The following ZCWPW2 variants were observed in gnomAD, a reference collection of about 807,000 sequenced individuals.
ZCWPW2 encodes zinc finger CW-type and PWWP domain containing 2.
ZCWPW2 carries 45 observed loss-of-function variants against 46.6 expected under a neutral mutation model. The ratio of observed to expected loss-of-function variants is 0.96; its 90% CI spans 0.76 to 1.24. The LOEUF (loss-of-function observed/expected upper bound fraction) is 1.24, where lower values mean the gene tolerates loss of function less well. Among genes scored for constraint, ZCWPW2 ranks in the 50% most tolerant of loss-of-function variants. The pLI, the probability that ZCWPW2 is intolerant of heterozygous loss-of-function variation, is 0.00. For missense variants in ZCWPW2, 429 were observed against 403.9 expected, an observed-to-expected ratio of 1.06 and a Z score of -0.53; for synonymous variants, 152 against 137.1, an observed-to-expected ratio of 1.11 and a Z score of -0.76.
intron 1 of ZCWPW2, among the ~76,000 whole-genome samples, chr3:28,380,024 T>C (rs1975828): frequency 0.49 from 74,054 of 151,740 alleles, 18,655 homozygotes; most frequent in Admixed American, 0.54. Context: ...GCTCTGTCGC[T>C]CAGGCTGGAG....
chr3:28,359,993 A>G (rs1704880430), intron 1 of ZCWPW2, among the ~76,000 whole-genome samples: 1 of 152,190 alleles, frequency 6.6e-6, no homozygotes, highest in South Asian at 2.1e-4. Flanking sequence ...TTAAAACCAA[A>G]TATATCAATA....
At chr3:28,443,067 T>C (rs913670132) in intron 4 of ZCWPW2, among the ~76,000 whole-genome samples, 1 of 152,082 alleles carries the variant, frequency 6.6e-6, no homozygotes, top group African/African-American at 2.4e-5. Flanking sequence ...GAAATGACCG[T>C]AGGATGAGTC....
intron 2 of ZCWPW2, among the ~76,000 whole-genome samples, chr3:28,411,244 G>A (rs1438047699): frequency 4.0e-5 from 6 of 151,762 alleles, no homozygotes; most frequent in South Asian, 2.1e-4. Context: ...AATACAATGT[G>A]TACCCAATTA....
chr3:28,359,006 C>T (rs1704841933), intron 1 of ZCWPW2, among the ~76,000 whole-genome samples: 1 of 151,914 alleles, frequency 6.6e-6, no homozygotes, highest in South Asian at 2.1e-4. Context: ...CTATTACTTC[C>T]CAGAAATACT....
rs1697432125 is a variant in ZCWPW2 at position 28,435,230 on chromosome 3, A to G, written c.453A>G (p.Ile151Met). 13 of 1,613,310 alleles carry G rather than the reference A, an allele frequency of 8.1e-6. No individual in the cohort carries two copies. The highest frequency in any genetic ancestry group is 1.1e-5 in the Non-Finnish European group (13 of 1,179,866). The part of the protein sequence containing the change: ...FLGDPHSRSW[I>M]KATFVGHYSI... ...GCGATCCCCATTCAAGATCATGGAT[A>G]AAGGCAACATTCGTTGGACATTATA... Residue 151 changes from isoleucine to methionine, a missense_variant, in exon 4 of 10, where the codon ATA (isoleucine) becomes ATG (methionine). Coordinates refer to ENST00000383768, the MANE Select transcript of ZCWPW2 (RefSeq NM_001040432.4).
intron 1 of ZCWPW2, among the ~76,000 whole-genome samples, chr3:28,372,943 A>G (rs1295257353): frequency 2.0e-5 from 3 of 152,198 alleles, no homozygotes; most frequent in Non-Finnish European, 4.4e-5. Context: ...GTTGCAAAAA[A>G]CATGATTGCA....
At chr3:28,433,378 A>G (rs1697349874) in intron 3 of ZCWPW2, among the ~76,000 whole-genome samples, 1 of 152,158 alleles carries the variant, frequency 6.6e-6, no homozygotes, top group African/African-American at 2.4e-5. Flanking sequence ...GGGTTTTGGC[A>G]TTAGAAAGTC....
At chr3:28,427,902 T>G (rs1243245005) in intron 3 of ZCWPW2, 1 of 152,216 alleles carries the variant, frequency 6.6e-6, no homozygotes, top group Non-Finnish European at 1.5e-5. Context: ...CCCTTACATT[T>G]TACAGTTTTA....
intron 6 of ZCWPW2, among the ~76,000 whole-genome samples, chr3:28,496,130 C>G (rs1699985211): frequency 6.6e-6 from 1 of 151,900 alleles, no homozygotes; most frequent in Admixed American, 6.6e-5. Flanking sequence ...GACTATTTTA[C>G]TGAACACTTG....
intron 4 of ZCWPW2, among the ~76,000 whole-genome samples, chr3:28,473,896 G>A (rs982044954): frequency 3.3e-5 from 5 of 152,092 alleles, no homozygotes; most frequent in African/African-American, 1.2e-4. Flanking sequence ...AGTGTCAGGG[G>A]GATGTGGAGA....
At chr3:28,380,007 G>T (rs1232102746) in intron 1 of ZCWPW2, among the ~76,000 whole-genome samples, 1 of 151,698 alleles carries the variant, frequency 6.6e-6, no homozygotes, top group Non-Finnish European at 1.5e-5. Flanking sequence ...TTTTGAGATG[G>T]AGTCTAGCTC....
chr3:28,489,221 A>G (rs544139612), intron 5 of ZCWPW2, among the ~76,000 whole-genome samples: 2 of 152,218 alleles, frequency 1.3e-5, no homozygotes, highest in African/African-American at 2.4e-5. Flanking sequence ...ATAGACTCCA[A>G]TTTTAGTTTT....
chr3:28,459,409 G>A (rs1351271590), intron 4 of ZCWPW2, among the ~76,000 whole-genome samples: 1 of 151,968 alleles, frequency 6.6e-6, no homozygotes, highest in Non-Finnish European at 1.5e-5. Context: ...ACGTATTCTT[G>A]AAATCACTCT....
chr3:28,417,244 C>G (rs1282798670), intron 3 of ZCWPW2, among the ~76,000 whole-genome samples: 2 of 152,032 alleles, frequency 1.3e-5, no homozygotes, highest in East Asian at 3.9e-4. Context: ...TACCTCTACA[C>G]AAATAAACTA....
chr3:28,500,751 T>A (rs1010220832), intron 6 of ZCWPW2, among the ~76,000 whole-genome samples: 6 of 152,252 alleles, frequency 3.9e-5, no homozygotes, highest in African/African-American at 1.4e-4. Flanking sequence ...AATATGGAAT[T>A]CATGTACTGC....
At chr3:28,517,058 GAA>G (rs1166971880) in intron 8 of ZCWPW2, among the ~76,000 whole-genome samples, 5 of 152,102 alleles carry the variant, frequency 3.3e-5, no homozygotes, top group Admixed American at 1.3e-4. Flanking sequence ...TGTAAAGTAG[GAA>G]AAGTTTTAGA....
chr3:28,492,127 A>G lies in ZCWPW2; in HGVS notation c.611A>G (p.Asp204Gly), dbSNP rs1010276036. 1.9e-6 allele frequency: 3 copies of G among 1,609,940 alleles called. No individual in the cohort carries two copies. Among genetic ancestry groups the G allele is most frequent in the East Asian group, 2.2e-5 (1 of 44,548 alleles). ...GCAGCCATGTTTCATTGTCTTACAG[A>G]TAAATCCGAAACACATGACAAAGTT... The part of the protein sequence containing the change: ...LEMCCLSKLQ[D>G]KSETHDKVAA... Residue 204 changes from aspartate to glycine, a missense_variant and splice_region_variant, in exon 6 of 10, where the codon GAT (aspartate) becomes GGT (glycine). Coordinates refer to ENST00000383768, the MANE Select transcript of ZCWPW2 (RefSeq NM_001040432.4).
At chr3:28,357,927 G>T (rs1704803349) in intron 1 of ZCWPW2, among the ~76,000 whole-genome samples, 1 of 151,300 alleles carries the variant, frequency 6.6e-6, no homozygotes, top group East Asian at 1.9e-4. Context: ...CTAGAGTGAA[G>T]ACAAAGACTT....
chr3:28,394,439 C>T (rs940269102), intron 2 of ZCWPW2, among the ~76,000 whole-genome samples: 15 of 151,974 alleles, frequency 9.9e-5, no homozygotes, highest in African/African-American at 3.6e-4. Context: ...CCTTTGGAAC[C>T]ATGAAAGACT....
Sources: allele counts gnomAD v4.1 joint callset (sites outside exome capture counted in the v4.1 genomes callset), GRCh38; gene constraint gnomAD v4.1.1; transcripts MANE v1.5; gene names NCBI Gene and HGNC (gene_info 2026-07-23, HGNC 2026-07-21).